The following ELMO1 variants were observed in gnomAD, a reference collection of about 807,000 sequenced individuals.
ELMO1 encodes the protein engulfment and cell motility 1.
A neutral mutation model predicts 98.9 loss-of-function variants in ELMO1; 26 were observed. That is an observed-to-expected ratio of 0.26 (90% confidence interval 0.19 to 0.36). ELMO1 has a LOEUF of 0.36. ELMO1 is among the 10% of genes least tolerant of loss of function. ELMO1 has a pLI of 1.00. For synonymous variants in ELMO1, 346 were observed against 346.0 expected (o/e 1.00, Z 0.00); for missense variants, 627 against 935.2 (o/e 0.67, Z 4.30).
rs767009287 is a variant in ELMO1, at chr7:37,050,659, C to CACACAA, written c.1301-37225_1301-37224insTTGTGT. Among the ~76,000 whole-genome samples the CACACAA allele has an allele frequency of 4.6e-3, 653 of 142,714 alleles. 4 individuals carry two copies. Among genetic ancestry groups the CACACAA allele is most frequent in the Non-Finnish European group, 6.9e-3 (447 of 65,102 alleles). 93.6% of individuals were successfully genotyped at this position (142,714 alleles called of 152,430 possible). A position where few individuals can be genotyped will look rare whatever the true frequency, so the allele number is the denominator to read the frequency against. ...ACACACACACACACACACACACACA[C>CACACAA]AAAAGGTAACTATGTGAAATAAGCC... is the stretch of plus-strand genomic sequence containing the variant. On this transcript the variant is annotated intron_variant, in intron 15 of 21. Coordinates refer to ENST00000310758, the MANE Select transcript of ELMO1 (RefSeq NM_014800.11).
chr7:37,390,350 G>A (rs191004593), intron 1 of ELMO1, among the ~76,000 whole-genome samples: 195 of 152,304 alleles, frequency 1.3e-3, no homozygotes, highest in African/African-American at 3.8e-3. Flanking sequence ...GGAAGGTCTC[G>A]CAGAGTGGAG....
intron 13 of ELMO1, among the ~76,000 whole-genome samples, chr7:37,183,171 T>C (rs1790987473): frequency 6.6e-6 from 1 of 151,586 alleles, no homozygotes; most frequent in African/African-American, 2.4e-5. Flanking sequence ...GAGAAGCTGC[T>C]GAAGAGGAGG....
At chr7:36,869,065 T>C (rs187637821) in intron 20 of ELMO1, among the ~76,000 whole-genome samples, 2 of 152,334 alleles carry the variant, frequency 1.3e-5, no homozygotes, top group Admixed American at 1.3e-4. Context: ...CTAAGGATGC[T>C]TCTCTAATCT....
chr7:37,125,789 A>C (rs1422861147), intron 14 of ELMO1, among the ~76,000 whole-genome samples: 3 of 152,224 alleles, frequency 2.0e-5, no homozygotes, highest in Non-Finnish European at 4.4e-5. Flanking sequence ...CAGCCATCCC[A>C]TTACTGGGTA....
chr7:36,872,695 C>T (rs1410001983), intron 19 of ELMO1, among the ~76,000 whole-genome samples: 1 of 152,178 alleles, frequency 6.6e-6, no homozygotes, highest in East Asian at 1.9e-4. Context: ...GCTGCCTAAT[C>T]CCTACCGTAG....
intron 8 of ELMO1, among the ~76,000 whole-genome samples, chr7:37,232,100 G>A (rs1343212093): frequency 6.6e-6 from 1 of 152,102 alleles, no homozygotes; most frequent in Non-Finnish European, 1.5e-5. Context: ...TAATCCACCT[G>A]CGCTGGCCTC....
chr7:36,990,574 G>A (rs971962435), intron 16 of ELMO1, among the ~76,000 whole-genome samples: 3 of 152,006 alleles, frequency 2.0e-5, no homozygotes, highest in Non-Finnish European at 4.4e-5. Flanking sequence ...TTTCTATTTC[G>A]CTCACACGTT....
At position 36,913,917 on chromosome 7, in the gene ELMO1, A is replaced by C. The variant is rs76690886; in HGVS notation, c.1438-18900T>G. Among the ~76,000 whole-genome samples the C allele has an allele frequency of 6.3e-3, 961 of 152,260 alleles. 11 individuals are homozygous for C. Among genetic ancestry groups the C allele is most frequent in the African/African-American group, 0.022 (915 of 41,540 alleles). On this transcript the variant is annotated intron_variant, in intron 16 of 21. Transcript: ENST00000310758. Reference sequence around the variant, plus strand: ...TTCAGAGATTTGTTTGGAGTTTTAAAACTCCATGTCCCATTTAAAGCAAGG... The same window carrying C: ...TTCAGAGATTTGTTTGGAGTTTTAACACTCCATGTCCCATTTAAAGCAAGG...
In ELMO1 at chr7:37,222,730, C is replaced by T. The variant is rs368935823; in HGVS notation, c.702-37G>A. 2.1e-5 allele frequency: 34 copies of T among 1,598,718 alleles called. No homozygotes were observed. In the African/African-American group the frequency reaches 3.4e-4, roughly 16 times the overall value. On this transcript the variant is annotated intron_variant, in intron 9 of 21. Transcript: ENST00000310758. ...GAGAACAATTCAGAAAATCAGAACA[C>T]GAAGTCAGAAGAGGCTAGCCCTGGG...
chr7:37,058,959 G>T (rs1457559424), intron 15 of ELMO1, among the ~76,000 whole-genome samples: 2 of 152,148 alleles, frequency 1.3e-5, no homozygotes, highest in Non-Finnish European at 2.9e-5. Context: ...CTGGGGAAGG[G>T]TCTATACCCA....
intron 13 of ELMO1, among the ~76,000 whole-genome samples, chr7:37,201,377 C>T (rs1373746974): frequency 6.6e-6 from 1 of 152,166 alleles, no homozygotes; most frequent in African/African-American, 2.4e-5. Context: ...TGCATTCTTT[C>T]CTATATTTCC....
chr7:37,444,843 T>G (rs1046438876), intron 1 of ELMO1, among the ~76,000 whole-genome samples: 1 of 152,182 alleles, frequency 6.6e-6, no homozygotes, highest in Non-Finnish European at 1.5e-5. Flanking sequence ...GTTAAGTCAA[T>G]AGCCGACAGA....
chr7:37,128,430 C>T (rs936056078), intron 14 of ELMO1, among the ~76,000 whole-genome samples: 1 of 152,080 alleles, frequency 6.6e-6, no homozygotes, highest in Non-Finnish European at 1.5e-5. Flanking sequence ...CAATTATACC[C>T]AGAGTAAGTA....
intron 16 of ELMO1, among the ~76,000 whole-genome samples, chr7:36,954,998 T>C (rs956623617): frequency 2.6e-5 from 4 of 152,184 alleles, no homozygotes; most frequent in African/African-American, 9.6e-5. Context: ...GTAACAAAGC[T>C]AAATTCTCAA....
intron 7 of ELMO1, among the ~76,000 whole-genome samples, chr7:37,238,733 C>G (rs1455015969): frequency 6.6e-6 from 1 of 152,114 alleles, no homozygotes; most frequent in Non-Finnish European, 1.5e-5. Flanking sequence ...TCCTAGCTTG[C>G]TGAGAATTTT....
At chr7:37,305,999 A>G (rs1280645751) in intron 4 of ELMO1, among the ~76,000 whole-genome samples, 1 of 152,220 alleles carries the variant, frequency 6.6e-6, no homozygotes, top group African/African-American at 2.4e-5. Flanking sequence ...TAAGAGACGA[A>G]TCTCCAAAAG....
chr7:37,337,268 T>C (rs1487259760), intron 2 of ELMO1, among the ~76,000 whole-genome samples: 1 of 151,822 alleles, frequency 6.6e-6, no homozygotes, highest in Admixed American at 6.6e-5. Context: ...CAGCAAACTA[T>C]CGCAGGGACA....
intron 16 of ELMO1, among the ~76,000 whole-genome samples, chr7:36,935,044 T>A (rs904046249): frequency 6.6e-6 from 1 of 152,218 alleles, no homozygotes; most frequent in Non-Finnish European, 1.5e-5. Context: ...TTGATATGGT[T>A]TGGCTGTGTC....
At chr7:37,284,429 G>A (rs552008100) in intron 4 of ELMO1, among the ~76,000 whole-genome samples, 1 of 152,258 alleles carries the variant, frequency 6.6e-6, no homozygotes, top group African/African-American at 2.4e-5. Context: ...CGAGGTGAGG[G>A]AGGACTTCAG....
Sources: allele counts gnomAD v4.1 joint callset (sites outside exome capture counted in the v4.1 genomes callset), GRCh38; gene constraint gnomAD v4.1.1; transcripts MANE v1.5; gene names NCBI Gene and HGNC (gene_info 2026-07-23, HGNC 2026-07-21).